The following PCM1 variants were observed in gnomAD, a reference collection of about 807,000 sequenced individuals.
PCM1 encodes the protein pericentriolar material 1 protein.
In PCM1, 157 loss-of-function variants were observed where a neutral mutation model predicts 241.9. The observed-to-expected ratio is 0.65, with a 90% CI of 0.57 to 0.74. PCM1 has a LOEUF of 0.74. Among genes scored for constraint, PCM1 ranks in the 30% least tolerant of loss-of-function variants. The pLI is 0.00. For missense variants in PCM1, 3,478 were observed against 2,360.1 expected (o/e 1.47, Z -9.81); for synonymous variants, 1,085 against 784.9 (o/e 1.38, Z -6.39).
At chr8:17,985,687 G>A (rs1013384666) in intron 25 of PCM1, 68 bp downstream of exon 25, 7 of 1,201,066 alleles carry the variant, frequency 5.8e-6, no homozygotes, top group Non-Finnish European at 8.4e-6. Context: ...TCTGGTTGCT[G>A]TCTTAGACTG....
chr8:17,931,130 C>G (rs1253781728), intron 2 of PCM1, among the ~76,000 whole-genome samples: 2 of 152,040 alleles, frequency 1.3e-5, no homozygotes, highest in Non-Finnish European at 2.9e-5. Flanking sequence ...CTGTTTTTCC[C>G]AAACTAATTA....
At chr8:18,007,064 C>A (rs2091534376) in intron 30 of PCM1, among the ~76,000 whole-genome samples, 1 of 152,138 alleles carries the variant, frequency 6.6e-6, no homozygotes, top group Non-Finnish European at 1.5e-5. Flanking sequence ...GTTGAGAAAT[C>A]CCATGTTAGT....
intron 8 of PCM1, 72 bp downstream of exon 8, chr8:17,950,796 G>T: frequency 1.2e-6 from 1 of 842,078 alleles, no homozygotes; most frequent in African/African-American, 1.7e-5. Context: ...AGAAACTTCA[G>T]TGAGCATACA....
In PCM1 at chr8:17,952,969, G is replaced by T; in HGVS notation, c.1072-1G>T. ...CTTTTTTGTTGTTTTTTTTTAATAA[G>T]CCTCCAGCTGTTCCAGACAATAGAA... On this transcript the variant is annotated splice_acceptor_variant, in intron 8 of 38. Transcript: ENST00000325083. LOFTEE classifies it high-confidence loss of function. The T allele has an allele frequency of 2.0e-6, 3 of 1,533,844 alleles. No homozygotes were observed. Among genetic ancestry groups the T allele is most frequent in the African/African-American group, 1.4e-5 (1 of 71,818 alleles).
intron 38 of PCM1, among the ~76,000 whole-genome samples, chr8:18,026,008 C>CA (rs763405863): frequency 6.6e-6 from 1 of 151,032 alleles, no homozygotes; most frequent in Non-Finnish European, 1.5e-5. Context: ...ACTAAAAATA[C>CA]AAAAAATCAG....
At chr8:17,967,305 C>T (rs1320143162) in intron 21 of PCM1, 135 bp downstream of exon 21, 48 of 514,982 alleles carry the variant, frequency 9.3e-5, no homozygotes, top group South Asian at 3.5e-4. Context: ...GTTACAAACT[C>T]TTTTTTTTTT....
chr8:17,998,030 C>T (rs925213188), intron 29 of PCM1, among the ~76,000 whole-genome samples: 4 of 146,508 alleles, frequency 2.7e-5, no homozygotes, highest in East Asian at 4.0e-4. Context: ...AGCAAGGCTC[C>T]GTCTGAAAAA....
At chr8:18,024,566 C>T (rs1250244773) in intron 36 of PCM1, among the ~76,000 whole-genome samples, 1 of 151,968 alleles carries the variant, frequency 6.6e-6, no homozygotes, top group Non-Finnish European at 1.5e-5. Context: ...GTCTAGTTGC[C>T]ATAGAAGACA....
rs76249791 is a variant in PCM1, at chr8:17,959,662, A to G, written c.2041-352A>G. The stretch of plus-strand genomic sequence containing the variant: ...TTTTGATATGTATTCATATTTTTCT[A>G]TATGTATTTTTTATATTTTAAGCAG... On this transcript the variant is annotated intron_variant, in intron 13 of 38. Coordinates refer to ENST00000325083, the MANE Select transcript of PCM1 (RefSeq NM_006197.4). Among the ~76,000 whole-genome samples, 1,339 of 152,104 alleles carry G rather than the reference A, an allele frequency of 8.8e-3. 58 individuals carry two copies. Among genetic ancestry groups the G allele is most frequent in the East Asian group, 0.064 (331 of 5,180 alleles).
At chr8:17,954,745 A>C (rs963694585) in intron 9 of PCM1, among the ~76,000 whole-genome samples, 9 of 152,200 alleles carry the variant, frequency 5.9e-5, no homozygotes, top group African/African-American at 2.2e-4. Context: ...AAGTGCAAAG[A>C]TTCTTAATCT....
In PCM1 at chr8:17,937,025, ATGTCT is replaced by A. The variant is rs2060627918; in HGVS notation, c.97-102_97-98del. ...CTCTAGGAGTATAAGTCTGTCAAAA[ATGTCT>A]TGTCTTTTTTAATTTTAAAACTGAC... On this transcript the variant is annotated intron_variant, in intron 3 of 38. Coordinates refer to ENST00000325083, the MANE Select transcript of PCM1 (RefSeq NM_006197.4). 6 of 819,102 alleles carry A rather than the reference ATGTCT, an allele frequency of 7.3e-6. No homozygotes were observed. In the Admixed American group the frequency reaches 1.5e-4, roughly 21 times the overall value. The allele number at this position is 819,102 out of a possible 1,614,324, so 50.7% of individuals were successfully genotyped here.
At position 18,028,785 on chromosome 8, in the gene PCM1, A is replaced by ATAAG. The variant is rs1176454692; in HGVS notation, c.*1126_*1129dup. 3.1e-5 allele frequency: 6 copies of ATAAG among 191,340 alleles called. No homozygotes were observed. Among genetic ancestry groups the ATAAG allele is most frequent in the Non-Finnish European group, 4.4e-5 (4 of 91,218 alleles). 11.9% of individuals were successfully genotyped at this position (191,340 alleles called of 1,614,324 possible). On this transcript the variant is annotated 3_prime_UTR_variant, in exon 39 of 39. Transcript: ENST00000325083. ...AATAAAATACAAAGAATTAGTTCCA[A>ATAAG]TAAGTATTTTAACTTTGTTAACAAC...
intron 2 of PCM1, among the ~76,000 whole-genome samples, chr8:17,929,906 T>G (rs1325435344): frequency 6.6e-6 from 1 of 152,212 alleles, no homozygotes; most frequent in Admixed American, 6.5e-5. Context: ...AAGAATGTGG[T>G]CTCTGTCGCT....
intron 30 of PCM1, among the ~76,000 whole-genome samples, 160 bp from the exon 31 acceptor site, chr8:18,009,387 C>T (rs2092093784): frequency 6.6e-6 from 1 of 152,184 alleles, no homozygotes; most frequent in Admixed American, 6.5e-5. Context: ...TAGCAACATT[C>T]CCACTTAGTA....
rs1218336198 is a variant in PCM1 at position 17,941,496 on chromosome 8, C to G, written c.783+1635C>G. On this transcript the variant is annotated intron_variant, in intron 6 of 38. Transcript: ENST00000325083. ...AAAACTTAAAAGACTAAATATACTG[C>G]TGCTTGGAGGGGGATGTGGATTGAT... is the stretch of plus-strand genomic sequence containing the variant. 2.0e-5 allele frequency among the ~76,000 whole-genome samples: 3 copies of G among 149,654 alleles called. No individual in the cohort carries two copies. In the East Asian group the frequency reaches 5.9e-4, roughly 29 times the overall value.
At chr8:18,018,867 T>C (rs1240811333) in intron 36 of PCM1, among the ~76,000 whole-genome samples, 3 of 66,244 alleles carry the variant, frequency 4.5e-5, no homozygotes, top group South Asian at 3.6e-4. Context: ...TATATATATA[T>C]ATATATATAT....
chr8:17,983,173 C>T (rs966564560), intron 24 of PCM1: 2 of 813,604 alleles, frequency 2.5e-6, no homozygotes, highest in East Asian at 5.0e-5. Flanking sequence ...ATGTTATAGA[C>T]CCTGTCTTTA....
chr8:18,027,537 TAAC>T, intron 38 of PCM1, 97 bp from the exon 39 acceptor site: 1 of 732,766 alleles, frequency 1.4e-6, no homozygotes, highest in Non-Finnish European at 2.2e-6. Flanking sequence ...TCTTTTATAA[TAAC>T]GTTATATTAA....
At chr8:18,018,850 G>GTATATATATATA (rs1266240810) in intron 36 of PCM1, among the ~76,000 whole-genome samples, 1 of 39,382 alleles carries the variant, frequency 2.5e-5, no homozygotes, top group African/African-American at 8.9e-5. Flanking sequence ...GTGTGTGTGT[G>GTATATATATATA]TGTATATATA....
Sources: gnomAD v4.1 joint callset for allele counts (sites outside exome capture counted in the v4.1 genomes callset) on GRCh38, gnomAD v4.1.1 for gene constraint, MANE v1.5 for transcripts, NCBI Gene and HGNC (gene_info 2026-07-23, HGNC 2026-07-21) for gene names.